The following FSTL5 variants were observed in gnomAD, a reference collection of about 807,000 sequenced individuals.
FSTL5 encodes the protein follistatin like 5.
Under a neutral mutation model 89.1 loss-of-function variants are expected in FSTL5, and 62 were observed. That is an observed-to-expected ratio of 0.70 (90% CI 0.57 to 0.86). The LOEUF (loss-of-function observed/expected upper bound fraction) is 0.86, where lower values mean the gene tolerates loss of function less well. FSTL5 is among the 40% of genes least tolerant of loss of function. The probability of loss-of-function intolerance (pLI) is 0.00; values close to 1 mark genes in which losing one functional copy is unlikely to be tolerated. For synonymous variants in FSTL5, 383 were observed against 346.2 expected (o/e 1.11, Z -1.18); for missense variants, 1,057 against 1,001.6 (o/e 1.06, Z -0.75).
rs34153588 is a variant in FSTL5 at position 162,097,269 on chromosome 4, AT to A, written c.126+14001del. Among the ~76,000 whole-genome samples the A allele has an allele frequency of 6.4e-4, 97 of 150,482 alleles. 1 individual carries two copies. Among genetic ancestry groups the A allele is most frequent in the Admixed American group, 4.4e-3 (66 of 15,088 alleles). On this transcript the variant is annotated intron_variant, in intron 2 of 15. Coordinates refer to ENST00000306100, the MANE Select transcript of FSTL5 (RefSeq NM_020116.5). The stretch of plus-strand genomic sequence containing the variant: ...ACTGCAATAGAGGAGAGGAATTTCC[AT>A]TTTTTTTTAGCAATGAAATGCTAGC...
In FSTL5 at chr4:161,951,051, G is replaced by A. The variant is rs139749582; in HGVS notation, c.161-30399C>T. On this transcript the variant is annotated intron_variant, in intron 3 of 15. Coordinates refer to ENST00000306100, the MANE Select transcript of FSTL5 (RefSeq NM_020116.5). ...TTGAATCACGGCGCCAGTGTTTTCC[G>A]TGCTGTTCTCATGACAGCGAATAAG... Among the ~76,000 whole-genome samples the A allele has an allele frequency of 1.3e-3, 195 of 152,014 alleles. 3 individuals are homozygous for A. Among genetic ancestry groups the A allele is most frequent in the Middle Eastern group, 6.8e-3 (2 of 294 alleles).
chr4:161,875,730 G>A (rs1732421258), intron 4 of FSTL5, among the ~76,000 whole-genome samples: 1 of 152,094 alleles, frequency 6.6e-6, no homozygotes, highest in African/African-American at 2.4e-5. Flanking sequence ...GATTTTATGT[G>A]GCTTTCCTTT....
At chr4:161,936,476 G>A (rs1734436807) in intron 3 of FSTL5, among the ~76,000 whole-genome samples, 1 of 152,134 alleles carries the variant, frequency 6.6e-6, no homozygotes, top group South Asian at 2.1e-4. Context: ...TTGGAATCTT[G>A]TAAGAATATA....
chr4:162,002,807 T>C (rs1175058231), intron 3 of FSTL5, among the ~76,000 whole-genome samples: 1 of 152,076 alleles, frequency 6.6e-6, no homozygotes, highest in East Asian at 1.9e-4. Context: ...TTTTTTTTCA[T>C]GTATGACTCT....
chr4:161,875,131 T>C (rs1431596461), intron 4 of FSTL5, among the ~76,000 whole-genome samples: 1 of 152,146 alleles, frequency 6.6e-6, no homozygotes, highest in Non-Finnish European at 1.5e-5. Context: ...ATTCTCTTGT[T>C]TTAGTATTTG....
intron 15 of FSTL5, among the ~76,000 whole-genome samples, chr4:161,436,175 A>C (rs1732554920): frequency 6.6e-6 from 1 of 152,164 alleles, no homozygotes; most frequent in Non-Finnish European, 1.5e-5. Flanking sequence ...GGGACACAGC[A>C]GCATACTTCC....
At chr4:161,493,731 C>A (rs1729962232) in intron 12 of FSTL5, among the ~76,000 whole-genome samples, 2 of 152,110 alleles carry the variant, frequency 1.3e-5, no homozygotes, top group South Asian at 4.1e-4. Flanking sequence ...GTGCGGAATG[C>A]ACTTTTACAT....
chr4:161,570,170 C>T (rs1477367742), intron 8 of FSTL5, among the ~76,000 whole-genome samples: 1 of 152,062 alleles, frequency 6.6e-6, no homozygotes, highest in East Asian at 1.9e-4. Flanking sequence ...GGTGAAAAAA[C>T]TGTGCTGTGG....
At chr4:162,111,631 A>T (rs562555514) in intron 1 of FSTL5, among the ~76,000 whole-genome samples, 8 of 152,234 alleles carry the variant, frequency 5.3e-5, no homozygotes, top group African/African-American at 1.9e-4. Flanking sequence ...TAAAATATGG[A>T]ATGAGAAGAA....
chr4:161,512,258 C>T (rs1417964424), intron 10 of FSTL5, among the ~76,000 whole-genome samples: 1 of 151,986 alleles, frequency 6.6e-6, no homozygotes, highest in Non-Finnish European at 1.5e-5. Context: ...TTGGTGAGTA[C>T]CAATTGAGTA....
chr4:161,738,787 C>T (rs1304640248), intron 6 of FSTL5, among the ~76,000 whole-genome samples: 1 of 152,108 alleles, frequency 6.6e-6, no homozygotes, highest in Non-Finnish European at 1.5e-5. Flanking sequence ...TAAACCTTTG[C>T]TTATTCACAT....
At chr4:161,660,509 G>C (rs1260186995) in intron 6 of FSTL5, among the ~76,000 whole-genome samples, 1 of 152,042 alleles carries the variant, frequency 6.6e-6, no homozygotes, top group African/African-American at 2.4e-5. Flanking sequence ...ATACATGTAT[G>C]GGTTTGTTAC....
intron 2 of FSTL5, among the ~76,000 whole-genome samples, chr4:162,051,877 T>C (rs1171432365): frequency 6.6e-6 from 1 of 151,538 alleles, no homozygotes; most frequent in African/African-American, 2.4e-5. Flanking sequence ...AGAAAGGTTA[T>C]AGAATAGAAA....
At chr4:161,811,163 T>C (rs1730133492) in intron 4 of FSTL5, among the ~76,000 whole-genome samples, 1 of 152,004 alleles carries the variant, frequency 6.6e-6, no homozygotes, top group African/African-American at 2.4e-5. Flanking sequence ...CACCTTTTTG[T>C]TGATTGAAAA....
chr4:162,130,335 T>G (rs996457362), intron 1 of FSTL5, among the ~76,000 whole-genome samples: 1 of 152,174 alleles, frequency 6.6e-6, no homozygotes, highest in Non-Finnish European at 1.5e-5. Flanking sequence ...GTTCATGAGT[T>G]TGAAAATTGC....
chr4:161,581,584 A>G (rs938320869), intron 8 of FSTL5, among the ~76,000 whole-genome samples: 13 of 152,220 alleles, frequency 8.5e-5, no homozygotes, highest in African/African-American at 2.7e-4. Flanking sequence ...TGGGTTTTCT[A>G]AATAATAGCT....
intron 2 of FSTL5, among the ~76,000 whole-genome samples, chr4:162,107,006 G>A (rs1271600783): frequency 1.3e-5 from 2 of 152,182 alleles, no homozygotes; most frequent in South Asian, 2.1e-4. Context: ...CAGCCCAGAT[G>A]CATTGCATGG....
At chr4:161,478,358 T>C (rs868027017) in intron 13 of FSTL5, among the ~76,000 whole-genome samples, 8 of 152,274 alleles carry the variant, frequency 5.3e-5, no homozygotes, top group East Asian at 1.9e-4. Context: ...TTGTTCATAA[T>C]ATTTTAATCA....
chr4:161,650,090 C>T (rs1332996121), intron 7 of FSTL5, among the ~76,000 whole-genome samples: 1 of 152,172 alleles, frequency 6.6e-6, no homozygotes, highest in African/African-American at 2.4e-5. Context: ...AATTTTCCCC[C>T]AATCTATTCT....
Sources: gnomAD v4.1 joint callset for allele counts (sites outside exome capture counted in the v4.1 genomes callset) on GRCh38, gnomAD v4.1.1 for gene constraint, MANE v1.5 for transcripts, NCBI Gene and HGNC (gene_info 2026-07-23, HGNC 2026-07-21) for gene names.